The following AGTPBP1 variants were observed in gnomAD, a reference collection of about 807,000 sequenced individuals.
AGTPBP1 encodes cytosolic carboxypeptidase 1.
In AGTPBP1, 70 loss-of-function variants were observed where a neutral mutation model predicts 143.9. The observed-to-expected ratio is 0.49, with a 90% confidence interval of 0.40 to 0.59. The LOEUF is 0.59. Among genes scored for constraint, AGTPBP1 ranks in the 20% least tolerant of loss-of-function variants. AGTPBP1 has a pLI of 0.00. For synonymous variants in AGTPBP1, 463 were observed against 500.2 expected, an observed-to-expected ratio of 0.93 and a Z score of 0.99; for missense variants, 1,229 against 1,464.5, an observed-to-expected ratio of 0.84 and a Z score of 2.62.
At chr9:85,628,126 A>T (rs1348116528) in intron 14 of AGTPBP1, among the ~76,000 whole-genome samples, 1 of 152,232 alleles carries the variant, frequency 6.6e-6, no homozygotes, top group Non-Finnish European at 1.5e-5. Flanking sequence ...TTTTAAATAA[A>T]AATACTTTAT....
chr9:85,624,745 C>T (rs1265959425), intron 14 of AGTPBP1, among the ~76,000 whole-genome samples: 1 of 151,946 alleles, frequency 6.6e-6, no homozygotes, highest in Non-Finnish European at 1.5e-5. Context: ...GATATAAAAG[C>T]AAAAAATGAA....
the AGTPBP1 span, chr9:85,756,015 C>A: frequency 3.3e-6 from 4 of 1,208,858 alleles, no homozygotes; most frequent in South Asian, 1.7e-5. Context: ...TCTATTATTA[C>A]CATATAATTT....
Position 85,626,744 on chromosome 9 carries a change from T to C in AGTPBP1, c.2016-5459A>G, listed in dbSNP as rs1831322647. On this transcript the variant is annotated intron_variant, in intron 14 of 25. Transcript: ENST00000357081. ...ACATGACAGCCATTCAACTCTGCCA[T>C]GGTAGCACAAAAACAGTCATAGACA... Among the ~76,000 whole-genome samples the C allele has an allele frequency of 2.6e-5, 4 of 152,272 alleles. No homozygotes were observed. The South Asian group carries it at 8.3e-4, about 32-fold the overall frequency.
At chr9:85,649,867 A>T (rs1415242947) in intron 11 of AGTPBP1, among the ~76,000 whole-genome samples, 1 of 152,122 alleles carries the variant, frequency 6.6e-6, no homozygotes, top group East Asian at 1.9e-4. Context: ...TTACTTTCTT[A>T]AAAATCATCT....
the AGTPBP1 span, among the ~76,000 whole-genome samples, chr9:85,790,163 G>A: frequency 6.6e-6 from 1 of 152,098 alleles, no homozygotes; most frequent in African/African-American, 2.4e-5. Context: ...TTCAAAAACT[G>A]AAAATAAAGG....
At chr9:85,674,050 G>A in intron 6 of AGTPBP1, among the ~76,000 whole-genome samples, 1 of 149,844 alleles carries the variant, frequency 6.7e-6, no homozygotes. Context: ...ATGAACCCAG[G>A]AGGAGGAGCT....
At chr9:85,603,122 G>A (rs1829774486) in intron 17 of AGTPBP1, among the ~76,000 whole-genome samples, 1 of 152,154 alleles carries the variant, frequency 6.6e-6, no homozygotes, top group South Asian at 2.1e-4. Flanking sequence ...CTGGTGCTAT[G>A]CTGGGCTCAG....
At chr9:85,694,524 G>A (rs1836104578) in intron 2 of AGTPBP1, among the ~76,000 whole-genome samples, 2 of 152,068 alleles carry the variant, frequency 1.3e-5, no homozygotes, top group South Asian at 4.1e-4. Flanking sequence ...TCACATCTCT[G>A]CACCATACAA....
chr9:85,716,523 A>T (rs1837715411), intron 1 of AGTPBP1, among the ~76,000 whole-genome samples: 1 of 152,186 alleles, frequency 6.6e-6, no homozygotes, highest in Non-Finnish European at 1.5e-5. Context: ...AGACAATTCT[A>T]TGCCTCCAGT....
chr9:85,736,966 C>G (rs574349434), intron 1 of AGTPBP1, among the ~76,000 whole-genome samples: 2 of 152,106 alleles, frequency 1.3e-5, no homozygotes, highest in African/African-American at 4.8e-5. Flanking sequence ...ATTAGCCAGG[C>G]GTGGTGGTAG....
chr9:85,727,858 A>C (rs1363764641), intron 1 of AGTPBP1, among the ~76,000 whole-genome samples: 2 of 151,972 alleles, frequency 1.3e-5, no homozygotes, highest in African/African-American at 2.4e-5. Flanking sequence ...TCTCTACAAA[A>C]AAATAAAAAA....
the AGTPBP1 span, among the ~76,000 whole-genome samples, chr9:85,754,979 C>G: frequency 2.0e-5 from 3 of 152,294 alleles, no homozygotes; most frequent in South Asian, 4.1e-4. Context: ...AAGGATATGA[C>G]AAAATTAACA....
At chr9:85,775,350 T>C in the AGTPBP1 span, among the ~76,000 whole-genome samples, 5 of 151,510 alleles carry the variant, frequency 3.3e-5, no homozygotes, top group Non-Finnish European at 7.4e-5. Context: ...GCTGTACAAA[T>C]TGTTCATAAC....
At chr9:85,616,969 T>C (rs569610202) in intron 17 of AGTPBP1, among the ~76,000 whole-genome samples, 64 of 152,194 alleles carry the variant, frequency 4.2e-4, no homozygotes, top group African/African-American at 1.4e-3. Flanking sequence ...ACTTAAGCCA[T>C]TTAAAAATCT....
chr9:85,646,480 A>G (rs1383266433), intron 11 of AGTPBP1, 62 bp from the exon 12 acceptor site: 1 of 1,091,024 alleles, frequency 9.2e-7, no homozygotes, highest in African/African-American at 1.6e-5. Flanking sequence ...TGCATAGCCA[A>G]TGGTAGAATG....
chr9:85,572,018 T>C (rs1009474263), intron 25 of AGTPBP1, among the ~76,000 whole-genome samples: 21 of 22,702 alleles, frequency 9.3e-4, no homozygotes, highest in South Asian at 8.2e-3. Flanking sequence ...TTTTTTTTTT[T>C]TTTTTTTTTT....
At chr9:85,644,936 A>T (rs1832722773) in intron 12 of AGTPBP1, among the ~76,000 whole-genome samples, 1 of 152,132 alleles carries the variant, frequency 6.6e-6, no homozygotes, top group African/African-American at 2.4e-5. Flanking sequence ...AAAAGAAGAT[A>T]ATAAAGCTCA....
rs1208253619 is a variant in AGTPBP1, at chr9:85,646,362, T to C, written c.1144A>G (p.Asn382Asp). The stretch of plus-strand genomic sequence containing the variant: ...AGGTCATCTTCATTCTCAGTTTCGT[T>C]TTCAGCTTCTACATCAATATCATCG... The part of the protein sequence containing the change: ...DNDDIDVEAE[N>D]ETENEDDLDQ... The change falls in exon 12 of 26, where the codon AAC (asparagine) becomes GAC (aspartate). Residue 382 changes from asparagine to aspartate, a missense_variant. Asn to Asp is a conservative substitution (Grantham distance 23, BLOSUM62 1). Coordinates refer to ENST00000357081, the MANE Select transcript of AGTPBP1 (RefSeq NM_001330701.2). 6.2e-7 allele frequency: 1 copy of C among 1,613,082 alleles called. No individual in the cohort carries two copies. The highest frequency in any genetic ancestry group is 8.5e-7 in the Non-Finnish European group (1 of 1,179,788).
At chr9:85,592,790 G>GA in intron 18 of AGTPBP1, 86 bp from the exon 19 acceptor site, 5 of 1,491,772 alleles carry the variant, frequency 3.4e-6, no homozygotes, top group Non-Finnish European at 3.6e-6. Context: ...GAACTTCAGG[G>GA]AAAAAAGAAA....
Sources: gnomAD v4.1 joint callset for allele counts (sites outside exome capture counted in the v4.1 genomes callset) on GRCh38, gnomAD v4.1.1 for gene constraint, MANE v1.5 for transcripts, NCBI Gene and HGNC (gene_info 2026-07-23, HGNC 2026-07-21) for gene names.